The following CCDC148 variants were observed in gnomAD, a reference collection of about 807,000 sequenced individuals.
CCDC148 encodes coiled-coil domain containing 148.
In CCDC148, 89 loss-of-function variants were observed where a neutral mutation model predicts 85.7. The ratio of observed to expected loss-of-function variants is 1.04; its 90% confidence interval spans 0.87 to 1.24. The LOEUF is 1.24. Ranked by LOEUF, CCDC148 falls within the 50% of genes most tolerant of loss-of-function variation. The pLI, the probability that CCDC148 is intolerant of heterozygous loss-of-function variation, is 0.00. For missense variants in CCDC148, 692 were observed against 671.7 expected, an observed-to-expected ratio of 1.03 and a Z score of -0.33; for synonymous variants, 230 against 213.9, an observed-to-expected ratio of 1.08 and a Z score of -0.66.
intron 11 of CCDC148, among the ~76,000 whole-genome samples, chr2:158,210,713 G>A (rs1330298840): frequency 2.0e-5 from 3 of 149,264 alleles, no homozygotes; most frequent in East Asian, 4.0e-4. Flanking sequence ...GGAGGCCGAG[G>A]CAGGCAGATC....
At chr2:158,314,206 GAAAT>G (rs1461021937) in intron 7 of CCDC148, among the ~76,000 whole-genome samples, 3 of 152,082 alleles carry the variant, frequency 2.0e-5, no homozygotes, top group African/African-American at 7.2e-5. Flanking sequence ...ACCAATGAAT[GAAAT>G]AAACATTGGA....
At chr2:158,358,405 G>C (rs368101445) in intron 2 of CCDC148, 44 bp downstream of exon 2, 1 of 1,577,572 alleles carries the variant, frequency 6.3e-7, no homozygotes, top group Admixed American at 1.9e-5. Flanking sequence ...CCAGCAATTC[G>C]ATTTTCTAAA....
chr2:158,204,075 G>A (rs1686104966), intron 11 of CCDC148, among the ~76,000 whole-genome samples: 1 of 152,152 alleles, frequency 6.6e-6, no homozygotes, highest in South Asian at 2.1e-4. Context: ...ATTCTAGTTA[G>A]ATTCCTCTAC....
intron 2 of CCDC148, among the ~76,000 whole-genome samples, chr2:158,354,767 C>A (rs530959028): frequency 0.056 from 8,463 of 149,872 alleles, 519 homozygotes; most frequent in African/African-American, 0.15. Context: ...CGGGCAGAGA[C>A]ACAACAAAAA....
At chr2:158,447,234 G>A (rs1322875395) in intron 1 of CCDC148, 1 of 152,074 alleles carries the variant, frequency 6.6e-6, no homozygotes, top group East Asian at 1.9e-4. Flanking sequence ...TCCCACTACT[G>A]ATCAGCACAG....
intron 1 of CCDC148, among the ~76,000 whole-genome samples, chr2:158,408,373 C>A (rs952892738): frequency 6.6e-6 from 1 of 152,042 alleles, no homozygotes; most frequent in Non-Finnish European, 1.5e-5. Flanking sequence ...ACCCTTTGAC[C>A]AATATTTCCC....
intron 1 of CCDC148, among the ~76,000 whole-genome samples, chr2:158,377,156 C>CA (rs1357893660): frequency 1.3e-5 from 2 of 151,082 alleles, no homozygotes; most frequent in Non-Finnish European, 3.0e-5. Context: ...AGTCCTTTTT[C>CA]AAAAAAACCT....
At chr2:158,214,912 T>G (rs979028622) in intron 11 of CCDC148, among the ~76,000 whole-genome samples, 13 of 152,190 alleles carry the variant, frequency 8.5e-5, no homozygotes, top group African/African-American at 2.9e-4. Context: ...TCAGCTCTCC[T>G]TAATAAAATT....
At chr2:158,399,386 T>C (rs1281757441) in intron 1 of CCDC148, among the ~76,000 whole-genome samples, 2 of 152,148 alleles carry the variant, frequency 1.3e-5, no homozygotes, top group Non-Finnish European at 2.9e-5. Context: ...AATAAAGTAC[T>C]GGCAAACCAA....
At chr2:158,379,816 T>C (rs1450414209) in intron 1 of CCDC148, among the ~76,000 whole-genome samples, 2 of 152,182 alleles carry the variant, frequency 1.3e-5, no homozygotes, top group Admixed American at 6.6e-5. Flanking sequence ...GCACATTTAA[T>C]AGACTATAGT....
At chr2:158,348,526 T>A (rs926097040) in intron 2 of CCDC148, among the ~76,000 whole-genome samples, 1 of 152,090 alleles carries the variant, frequency 6.6e-6, no homozygotes, top group Non-Finnish European at 1.5e-5. Context: ...CAGGGAAATT[T>A]AACACTATAT....
chr2:158,304,087 G>A (rs1338386112), intron 9 of CCDC148, among the ~76,000 whole-genome samples: 2 of 152,086 alleles, frequency 1.3e-5, no homozygotes, highest in African/African-American at 2.4e-5. Flanking sequence ...GGGTTAGAGA[G>A]GTCCGTGGTA....
In CCDC148 at chr2:158,178,951, T is replaced by C. The variant is rs909660898; in HGVS notation, c.1416A>G (p.Lys472=). 3 of 1,613,628 alleles carry C rather than the reference T, an allele frequency of 1.9e-6. No individual in the cohort carries two copies. The highest frequency in any genetic ancestry group is 2.7e-5 in the African/African-American group (2 of 75,026). Residue 472 remains lysine, a synonymous_variant, in exon 12 of 14, where the codon AAA becomes AAG. Transcript: ENST00000283233. ...GAGCTTCTTGAAGGGCCACTTCCTT[T>C]TTCTCCATCAAACGCCTTTCCAATA... ...QELLERRLME[K]KEVALQEAHE...
intron 1 of CCDC148, among the ~76,000 whole-genome samples, chr2:158,388,976 G>A (rs1685197272): frequency 6.6e-6 from 1 of 152,138 alleles, no homozygotes; most frequent in African/African-American, 2.4e-5. Context: ...GAGATTCTGT[G>A]ATTCTTAGAG....
At position 158,340,349 on chromosome 2, in the gene CCDC148, T is replaced by C; in HGVS notation, c.379A>G (p.Ile127Val). ...GCTCTCAGCTGCTGAATAGGATTTA[T>C]TACATTTTTAAGATATGTGCACTGT... ...EQQCTYLKNV[I>V]NPIQQLRADL... is the part of the protein sequence containing the mutation. Residue 127 changes from isoleucine to valine, a missense_variant, in exon 5 of 14, where the codon ATA (isoleucine) becomes GTA (valine). Coordinates refer to ENST00000283233, the MANE Select transcript of CCDC148 (RefSeq NM_138803.4). 2 of 1,613,982 alleles carry C rather than the reference T, an allele frequency of 1.2e-6. No individual in the cohort carries two copies. Among genetic ancestry groups the C allele is most frequent in the Non-Finnish European group, 1.7e-6 (2 of 1,179,936 alleles).
At chr2:158,260,082 T>C (rs549943060) in intron 9 of CCDC148, among the ~76,000 whole-genome samples, 16 of 152,056 alleles carry the variant, frequency 1.1e-4, no homozygotes, top group African/African-American at 3.9e-4. Context: ...ATTTATTTTC[T>C]TGTCTGTTTT....
chr2:158,242,369 C>T (rs976360953), intron 10 of CCDC148, among the ~76,000 whole-genome samples: 1 of 152,112 alleles, frequency 6.6e-6, no homozygotes, highest in Non-Finnish European at 1.5e-5. Flanking sequence ...TTTACTGAGG[C>T]CTTTCTAAGT....
At chr2:158,278,401 G>A (rs985528030) in intron 9 of CCDC148, among the ~76,000 whole-genome samples, 3 of 152,190 alleles carry the variant, frequency 2.0e-5, no homozygotes, top group African/African-American at 7.2e-5. Context: ...ACGGCACCTG[G>A]AAAATCGGGT....
intron 9 of CCDC148, chr2:158,288,813 C>T (rs1018370172): frequency 2.4e-5 from 9 of 374,422 alleles, no homozygotes; most frequent in Admixed American, 8.9e-5. Context: ...CATTTTCATG[C>T]TGCTGATAAA....
Sources: allele counts gnomAD v4.1 joint callset (sites outside exome capture counted in the v4.1 genomes callset), GRCh38; gene constraint gnomAD v4.1.1; transcripts MANE v1.5; gene names NCBI Gene and HGNC (gene_info 2026-07-23, HGNC 2026-07-21).